Variants in ZBBX observed in about 807,000 individuals in gnomAD.
ZBBX encodes the protein zinc finger B-box domain containing.
A neutral mutation model predicts 108.5 loss-of-function variants in ZBBX; 101 were observed. That is an observed-to-expected ratio of 0.93 (90% CI 0.79 to 1.10). ZBBX has a LOEUF of 1.10. Ranked by LOEUF, ZBBX falls within the 50% of genes least tolerant of loss-of-function variation. The pLI, the probability that ZBBX is intolerant of heterozygous loss-of-function variation, is 0.00. For missense variants in ZBBX, 1,009 were observed against 941.4 expected (o/e 1.07, Z -0.94); for synonymous variants, 356 against 323.4 (o/e 1.10, Z -1.08).
At chr3:167,373,123 C>T (rs1433281076) in intron 3 of ZBBX, 173 bp from the exon 4 acceptor site, 2 of 417,742 alleles carry the variant, frequency 4.8e-6, no homozygotes, top group Admixed American at 4.0e-5. Context: ...CCTTCAGCCA[C>T]ATATCAACCA....
intron 10 of ZBBX, among the ~76,000 whole-genome samples, chr3:167,328,604 T>A (rs996186074): frequency 1.3e-5 from 2 of 152,144 alleles, no homozygotes; most frequent in African/African-American, 4.8e-5. Context: ...ACCTTGTATT[T>A]CCTTGCCTTT....
intron 20 of ZBBX, chr3:167,252,167 CA>C: frequency 7.8e-7 from 1 of 1,289,666 alleles, no homozygotes; most frequent in Non-Finnish European, 1.0e-6. Context: ...AGCTCCTTAA[CA>C]TGGTTGTTTT....
chr3:167,194,229 A>AATATATATATATAT, the ZBBX span, among the ~76,000 whole-genome samples: 7,193 of 139,328 alleles, frequency 0.052, 264 homozygotes, highest in Non-Finnish European at 0.076. Flanking sequence ...ATATGTACTA[A>AATATATATATATAT]ATATATATAT....
chr3:167,263,445 G>T (rs1224600759), intron 20 of ZBBX, among the ~76,000 whole-genome samples: 1 of 152,084 alleles, frequency 6.6e-6, no homozygotes, highest in East Asian at 1.9e-4. Context: ...TTTGTTTCAA[G>T]AAATTTTTCC....
upstream of ZBBX, among the ~76,000 whole-genome samples, chr3:167,384,869 G>T (rs1156565740): frequency 6.6e-6 from 1 of 151,900 alleles, no homozygotes; most frequent in Admixed American, 6.6e-5. Flanking sequence ...ACATCAGCTG[G>T]TAAAAAAGAA....
At chr3:167,227,828 C>T in the ZBBX span, among the ~76,000 whole-genome samples, 1 of 151,746 alleles carries the variant, frequency 6.6e-6, no homozygotes, top group Non-Finnish European at 1.5e-5. Context: ...TACCCCTGAT[C>T]TTATCTTGCT....
intron 10 of ZBBX, among the ~76,000 whole-genome samples, chr3:167,330,976 CT>C (rs1157649580): frequency 2.8e-4 from 5 of 17,878 alleles, no homozygotes; most frequent in Non-Finnish European, 6.2e-4. Flanking sequence ...CCCCACTCCC[CT>C]TCTGTATGCA....
chr3:167,343,511 A>G (rs1641381506), intron 9 of ZBBX, among the ~76,000 whole-genome samples: 1 of 151,926 alleles, frequency 6.6e-6, no homozygotes, highest in Non-Finnish European at 1.5e-5. Flanking sequence ...TAGCACAGAT[A>G]TAACTTCACT....
At chr3:167,228,335 G>T in the ZBBX span, among the ~76,000 whole-genome samples, 5 of 151,694 alleles carry the variant, frequency 3.3e-5, no homozygotes, top group African/African-American at 7.3e-5. Flanking sequence ...AAAGTGCTCT[G>T]CAGTCCATTT....
rs1402006333 is a variant in ZBBX at position 167,242,564 on chromosome 3, A to C, written c.2334T>G (p.Ile778Met). The part of the protein sequence containing the change: ...FSSQSLNISQ[I>M]STDFLKTSHV... The stretch of plus-strand genomic sequence containing the variant: ...GTGAGGTCTTAAGGAAATCTGTGGA[A>C]ATCTGACTTATATTCAGTGATTGGC... Residue 778 changes from isoleucine (I) to methionine (M), a missense_variant, in exon 21 of 22, where the codon ATT (isoleucine) becomes ATG (methionine). Physicochemically the swap from Ile to Met is conservative, Grantham distance 10. Coordinates refer to ENST00000675490, the MANE Select transcript of ZBBX (RefSeq NM_001199201.2). 6.2e-7 allele frequency: 1 copy of C among 1,613,692 alleles called. No individual in the cohort carries two copies. Among genetic ancestry groups the C allele is most frequent in the Non-Finnish European group, 8.5e-7 (1 of 1,179,778 alleles).
upstream of ZBBX, among the ~76,000 whole-genome samples, chr3:167,385,087 C>G (rs775468820): frequency 2.0e-4 from 31 of 152,086 alleles, no homozygotes; most frequent in South Asian, 4.1e-4. Context: ...TTAATACAAT[C>G]ATGTGTCTCT....
upstream of ZBBX, among the ~76,000 whole-genome samples, chr3:167,384,071 T>C (rs1747828466): frequency 6.6e-6 from 1 of 152,108 alleles, no homozygotes; most frequent in South Asian, 2.1e-4. Context: ...TTTTCTTTTC[T>C]TCTCTCCTCT....
chr3:167,178,901 A>C, the ZBBX span, among the ~76,000 whole-genome samples: 1 of 152,142 alleles, frequency 6.6e-6, no homozygotes, highest in African/African-American at 2.4e-5. Flanking sequence ...TTGCTTTTGC[A>C]ACTGCTGCTC....
At chr3:167,343,349 G>A (rs1334447639) in intron 9 of ZBBX, among the ~76,000 whole-genome samples, 1 of 151,790 alleles carries the variant, frequency 6.6e-6, no homozygotes, top group Non-Finnish European at 1.5e-5. Flanking sequence ...TACTGTGTCA[G>A]TTGCTCTGTC....
intron 16 of ZBBX, among the ~76,000 whole-genome samples, chr3:167,306,167 G>C (rs530833033): frequency 5.9e-5 from 9 of 152,080 alleles, no homozygotes; most frequent in Admixed American, 3.9e-4. Flanking sequence ...TAATGAGCTA[G>C]ACTAGTAAAA....
In ZBBX at chr3:167,315,848, T is replaced by C. The variant is rs917181612; in HGVS notation, c.1195-19A>G. ...CATAAGTCTTATTAAATTAATGTTA[T>C]ATAATATTAGTAAGTTCATAAAAAT... On this transcript the variant is annotated intron_variant, in intron 14 of 21. Transcript: ENST00000675490. 11 of 1,472,498 alleles carry C rather than the reference T, an allele frequency of 7.5e-6. No individual in the cohort carries two copies. The African/African-American group carries it at 1.3e-4, about 17-fold the overall frequency. 91.2% of individuals were successfully genotyped at this position (1,472,498 alleles called of 1,614,324 possible).
chr3:167,342,116 G>T lies in ZBBX; in HGVS notation c.529-8131C>A, dbSNP rs111553346. Among the ~76,000 whole-genome samples, 694 of 151,800 alleles carry T rather than the reference G, an allele frequency of 4.6e-3. 7 individuals carry two copies. Among genetic ancestry groups the T allele is most frequent in the African/African-American group, 0.015 (628 of 41,486 alleles). ...ACTAACAAGTAGCAATCAATAATTTGTTACATTTGGTTTTTAAATATAGTA... is the reference window on the plus strand; with the variant it reads ...ACTAACAAGTAGCAATCAATAATTTTTTACATTTGGTTTTTAAATATAGTA... On this transcript the variant is annotated intron_variant, in intron 9 of 21. Coordinates refer to ENST00000675490, the MANE Select transcript of ZBBX (RefSeq NM_001199201.2).
the ZBBX span, among the ~76,000 whole-genome samples, chr3:167,224,645 A>G: frequency 1.3e-5 from 2 of 151,970 alleles, no homozygotes; most frequent in Non-Finnish European, 2.9e-5. Context: ...ATAAGTTAAA[A>G]TCATCATTAA....
intron 4 of ZBBX, 50 bp from the exon 5 acceptor site, chr3:167,368,624 A>T (rs1422616936): frequency 6.9e-7 from 1 of 1,444,312 alleles, no homozygotes; most frequent in African/African-American, 1.5e-5. Flanking sequence ...AGCGAAGCCA[A>T]AATAATTTTA....
Sources: allele counts gnomAD v4.1 joint callset (sites outside exome capture counted in the v4.1 genomes callset), GRCh38; gene constraint gnomAD v4.1.1; transcripts MANE v1.5; gene names NCBI Gene and HGNC (gene_info 2026-07-23, HGNC 2026-07-21).